SNAP47: variants seen among roughly 807,000 people sequenced by gnomAD.
SNAP47 encodes synaptosome associated protein 47, also known as synaptosomal-associated protein 47.
A neutral mutation model predicts 31.4 loss-of-function variants in SNAP47; 20 were observed. That is an observed-to-expected ratio of 0.64 (90% confidence interval 0.45 to 0.93). The LOEUF is 0.93. Among genes scored for constraint, SNAP47 ranks in the 40% least tolerant of loss-of-function variants. The pLI, the probability that SNAP47 is intolerant of heterozygous loss-of-function variation, is 0.00. For missense variants in SNAP47, 492 were observed against 528.5 expected (o/e 0.93, Z 0.68); for synonymous variants, 194 against 213.4 (o/e 0.91, Z 0.79).
intron 2 of SNAP47, among the ~76,000 whole-genome samples, chr1:227,751,762 T>G (rs1208026252): frequency 4.3e-5 from 5 of 116,714 alleles, no homozygotes; most frequent in Non-Finnish European, 7.0e-5. Flanking sequence ...TTTTTTTTTT[T>G]TTTTTTTTTT....
chr1:227,733,198 C>G, upstream of SNAP47: 1 of 864,204 alleles, frequency 1.2e-6, no homozygotes, highest in Non-Finnish European at 1.7e-6. Context: ...GGGCTCGGAC[C>G]ACCTCAGGCC....
At chr1:227,750,596 G>A (rs1171646026) in intron 2 of SNAP47, among the ~76,000 whole-genome samples, 3 of 152,118 alleles carry the variant, frequency 2.0e-5, no homozygotes, top group Non-Finnish European at 4.4e-5. Context: ...TGGTGCCTCC[G>A]TCCTGGCTTC....
At chr1:227,744,779 GTGGGTGCTCC>G (rs1247001522) in intron 1 of SNAP47, among the ~76,000 whole-genome samples, 1 of 152,228 alleles carries the variant, frequency 6.6e-6, no homozygotes, top group Non-Finnish European at 1.5e-5. Context: ...GCTAGTGCTT[GTGGGTGCTCC>G]TGGGTGCTCC....
rs1340285920 is a variant in SNAP47, at chr1:227,780,875, G to A, written c.*202G>A. The A allele has an allele frequency of 7.5e-6, 5 of 670,440 alleles. No homozygotes were observed. The highest frequency in any genetic ancestry group is 1.2e-5 in the Non-Finnish European group (5 of 403,970). The allele number at this position is 670,440 out of a possible 1,614,324, so 41.5% of individuals were successfully genotyped here. A position where few individuals can be genotyped will look rare whatever the true frequency, so the allele number is the denominator to read the frequency against. On this transcript the variant is annotated 3_prime_UTR_variant, in exon 5 of 5. Coordinates refer to ENST00000617596, the MANE Select transcript of SNAP47 (RefSeq NM_053052.4). ...TGCCTCCCACTTGGCTGTCCCTGCTGCTGGGCAGGACCCGGCCACATGTTC... is the reference window on the plus strand; with the variant it reads ...TGCCTCCCACTTGGCTGTCCCTGCTACTGGGCAGGACCCGGCCACATGTTC...
chr1:227,746,216 G>GT (rs1160244104), intron 1 of SNAP47: 1 of 152,276 alleles, frequency 6.6e-6, no homozygotes, highest in African/African-American at 2.4e-5. Flanking sequence ...CACCCTCCAT[G>GT]TGCTGAGTGC....
At chr1:227,776,798 A>G (rs1185017750) in intron 4 of SNAP47, 1 of 985,322 alleles carries the variant, frequency 1.0e-6, no homozygotes, top group East Asian at 1.1e-4. Context: ...TGCACTATTA[A>G]TTAACTTCAA....
At chr1:227,734,024 G>T (rs566269894), upstream of SNAP47, 5 of 1,613,192 alleles carry the variant, frequency 3.1e-6, no homozygotes, top group Non-Finnish European at 3.4e-6. Flanking sequence ...GTCCTCCACC[G>T]GAAAGTCCCT....
At chr1:227,738,016 G>T (rs111677819) in intron 1 of SNAP47, among the ~76,000 whole-genome samples, 14,582 of 151,780 alleles carry the variant, frequency 0.096, 1,038 homozygotes, top group East Asian at 0.33. Flanking sequence ...GTTTTTTTTG[G>T]TTTTTTTGTT....
At chr1:227,768,334 G>C in intron 4 of SNAP47, 1 of 985,440 alleles carries the variant, frequency 1.0e-6, no homozygotes, top group Non-Finnish European at 1.2e-6. Flanking sequence ...CAGGGCATGG[G>C]CTCCCCGTCC....
At chr1:227,758,932 A>G in intron 2 of SNAP47, 63 bp from the exon 3 acceptor site, 1 of 1,519,644 alleles carries the variant, frequency 6.6e-7, no homozygotes, top group Non-Finnish European at 8.8e-7. Context: ...TTTTCCAAAA[A>G]AAAAGGTATT....
At chr1:227,733,527 C>T (rs745695765), upstream of SNAP47, 8 of 1,603,046 alleles carry the variant, frequency 5.0e-6, no homozygotes, top group African/African-American at 2.7e-5. Context: ...AGGTGTGTGT[C>T]GCAGAGTGCT....
chr1:227,732,942 G>C (rs1422164353), upstream of SNAP47: 1 of 1,613,072 alleles, frequency 6.2e-7, no homozygotes, highest in Non-Finnish European at 8.5e-7. Context: ...CTCCTGCACG[G>C]CGCATAGCTC....
intron 4 of SNAP47, chr1:227,770,471 T>G (rs528680434): frequency 3.2e-5 from 5 of 154,218 alleles, no homozygotes; most frequent in Non-Finnish European, 7.3e-5. Context: ...TTCTGGTGAT[T>G]TGCTGGAACA....
At position 227,753,216 on chromosome 1, in the gene SNAP47, C is replaced by T. The variant is rs79332530; in HGVS notation, c.497+4983C>T. Among the ~76,000 whole-genome samples the T allele has an allele frequency of 4.0e-3, 611 of 152,242 alleles. 7 individuals carry two copies. Among genetic ancestry groups the T allele is most frequent in the African/African-American group, 0.014 (577 of 41,544 alleles). ...CATGCTGCAGTGAACTTGGGAGTGC[C>T]GGTGTCACTTTGAGATACTGGTTTT... is the stretch of plus-strand genomic sequence containing the variant. On this transcript the variant is annotated intron_variant, in intron 2 of 4. Transcript: ENST00000617596.
intron 2 of SNAP47, among the ~76,000 whole-genome samples, chr1:227,748,996 C>A (rs1282701902): frequency 6.6e-6 from 1 of 152,082 alleles, no homozygotes; most frequent in Non-Finnish European, 1.5e-5. Context: ...TGTTGCTATT[C>A]TAGTGTGTGT....
At chr1:227,748,256 G>A in intron 2 of SNAP47, 23 bp downstream of exon 2, 1 of 1,534,894 alleles carries the variant, frequency 6.5e-7, no homozygotes, top group Non-Finnish European at 8.8e-7. Flanking sequence ...TGTACACTTT[G>A]CAAGGCACAC....
rs910352787 is a variant in SNAP47, at chr1:227,749,930, C to T, written c.497+1697C>T. Among the ~76,000 whole-genome samples the T allele has an allele frequency of 3.3e-5, 5 of 152,198 alleles. No homozygotes were observed. In the East Asian group the frequency reaches 7.7e-4, roughly 23 times the overall value. On this transcript the variant is annotated intron_variant, in intron 2 of 4. Coordinates refer to ENST00000617596, the MANE Select transcript of SNAP47 (RefSeq NM_053052.4). ...AGTCATTTTGAAGCGTGTTGTTTCT[C>T]GTTTTGTGATTGTTCGGAGGAAAGT...
intron 2 of SNAP47, among the ~76,000 whole-genome samples, chr1:227,754,154 G>GC (rs1662548374): frequency 6.6e-6 from 1 of 152,222 alleles, no homozygotes; most frequent in African/African-American, 2.4e-5. Context: ...CTGGAGTTGG[G>GC]CCACTCAGTG....
intron 1 of SNAP47, among the ~76,000 whole-genome samples, chr1:227,742,088 G>A (rs1300667799): frequency 6.6e-6 from 1 of 151,250 alleles, no homozygotes; most frequent in Non-Finnish European, 1.5e-5. Flanking sequence ...GTGCAGGTTA[G>A]TTACATATGT....
Sources: gnomAD v4.1 joint callset for allele counts (sites outside exome capture counted in the v4.1 genomes callset) on GRCh38, gnomAD v4.1.1 for gene constraint, MANE v1.5 for transcripts, NCBI Gene and HGNC (gene_info 2026-07-23, HGNC 2026-07-21) for gene names.